MAX: variants seen among roughly 807,000 people sequenced by gnomAD.
MAX encodes the protein MYC associated transcriptional regulator X, also known as protein max.
In MAX, 3 loss-of-function variants were observed where a neutral mutation model predicts 22.3. The ratio of observed to expected loss-of-function variants is 0.13; its 90% CI spans 0.06 to 0.35. MAX has a LOEUF of 0.35. MAX is among the 10% of genes least tolerant of loss of function. The pLI is 1.00. For synonymous variants in MAX, 72 were observed against 77.7 expected (o/e 0.93, Z 0.39); for missense variants, 119 against 209.4 (o/e 0.57, Z 2.66).
intron 3 of MAX, among the ~76,000 whole-genome samples, chr14:65,040,426 AT>A (rs2062322740): frequency 6.6e-6 from 1 of 151,530 alleles, no homozygotes; most frequent in Admixed American, 6.6e-5. Context: ...GGTTTTTAAC[AT>A]TTTACAGTTT....
Position 65,078,089 on chromosome 14 carries a change from C to A in MAX, c.172-53G>T. 1 of 1,612,194 alleles carries A rather than the reference C, an allele frequency of 6.2e-7. No homozygotes were observed. The highest frequency in any genetic ancestry group is 1.3e-5 in the African/African-American group (1 of 74,982). Reference sequence around the variant, plus strand: ...GGACAAAATAAAAACCCAATCCAGGCAGTGAGGGAACCTGGCCTGCAGCAA... The same window carrying A: ...GGACAAAATAAAAACCCAATCCAGGAAGTGAGGGAACCTGGCCTGCAGCAA... On this transcript the variant is annotated intron_variant, in intron 3 of 4. Transcript: ENST00000358664. The surrounding 1 kb of genome is among the most constrained non-coding windows in gnomAD (Gnocchi z 6.4).
In MAX at chr14:65,029,266, A is replaced by G. The variant is rs76574671; in HGVS notation, c.172-22982T>C. Among the ~76,000 whole-genome samples, 963 of 152,298 alleles carry G rather than the reference A, an allele frequency of 6.3e-3. 17 individuals carry two copies. Among genetic ancestry groups the G allele is most frequent in the South Asian group, 0.044 (210 of 4,822 alleles). On this transcript the variant is annotated intron_variant, in intron 3 of 3. Coordinates refer to the MAX transcript ENST00000341653. The surrounding 1 kb of genome is among the most constrained non-coding windows in gnomAD (Gnocchi z 4.7). ...GCCTGGTTTCTAGTACCCCGATTCC[A>G]TCATTTTTCACTTGGCATTTCTTTC...
chr14:65,086,596 C>T (rs1031961236), intron 3 of MAX, among the ~76,000 whole-genome samples: 2 of 152,146 alleles, frequency 1.3e-5, no homozygotes, highest in African/African-American at 4.8e-5. Flanking sequence ...CTTTGAACTT[C>T]ACAGAGATGA....
rs1159703173 is a variant in MAX, at chr14:65,007,358, CTTGT to C, written c.172-1078_172-1075del. On this transcript the variant is annotated intron_variant, in intron 3 of 3. Coordinates refer to the MAX transcript ENST00000341653. The surrounding 1 kb of genome is among the most constrained non-coding windows in gnomAD (Gnocchi z 4.9). Reference sequence around the variant, plus strand: ...TTAGCAGTAAATCTAGATGGCAGGGCTTGTTTGTGTGTCTGAGGTCATGATGCTG... The same window carrying C: ...TTAGCAGTAAATCTAGATGGCAGGGCTTGTGTGTCTGAGGTCATGATGCTG... Among the ~76,000 whole-genome samples the C allele has an allele frequency of 1.3e-5, 2 of 152,172 alleles. No homozygotes were observed. Among genetic ancestry groups the C allele is most frequent in the Non-Finnish European group, 2.9e-5 (2 of 68,040 alleles).
At chr14:65,064,913 A>G (rs1481640502) in intron 3 of MAX, among the ~76,000 whole-genome samples, 1 of 152,262 alleles carries the variant, frequency 6.6e-6, no homozygotes, top group Non-Finnish European at 1.5e-5. Context: ...GGCAGCCAAA[A>G]GGTTTGCCAG....
chr14:65,025,450 T>C (rs1341349757), intron 3 of MAX, among the ~76,000 whole-genome samples: 1 of 152,234 alleles, frequency 6.6e-6, no homozygotes, highest in Non-Finnish European at 1.5e-5. Flanking sequence ...CTGGGAAATG[T>C]CATAAGAATT....
intron 3 of MAX, among the ~76,000 whole-genome samples, chr14:65,019,026 CAA>C (rs2061835125): frequency 6.6e-6 from 1 of 151,956 alleles, no homozygotes; most frequent in Non-Finnish European, 1.5e-5. Context: ...TTTTTTGAGA[CAA>C]GAGTCTCCTT....
chr14:65,077,259 G>T lies in MAX; in HGVS notation c.296-596C>A. 2.8e-6 allele frequency: 3 copies of T among 1,059,094 alleles called. No individual in the cohort carries two copies. The highest frequency in any genetic ancestry group is 1.6e-5 in the African/African-American group (1 of 63,582). 65.6% of individuals were successfully genotyped at this position (1,059,094 alleles called of 1,614,324 possible). On this transcript the variant is annotated intron_variant, in intron 4 of 4. Coordinates refer to ENST00000358664, the MANE Select transcript of MAX (RefSeq NM_002382.5). The surrounding 1 kb of genome is among the most constrained non-coding windows in gnomAD (Gnocchi z 6.3). The stretch of plus-strand genomic sequence containing the variant: ...CACCCACTGCCCATCCCTTGGTTCA[G>T]CTCAGCTTGAGCCTGGAAGGTCAAC...
intron 3 of MAX, among the ~76,000 whole-genome samples, chr14:65,017,834 C>T (rs2061808083): frequency 6.6e-6 from 1 of 151,746 alleles, no homozygotes; most frequent in Admixed American, 6.6e-5. Context: ...GCATGCCTGT[C>T]ATCCCAGCTA....
chr14:65,044,618 A>G lies in MAX; in HGVS notation c.172-38334T>C. 1 of 954,740 alleles carries G rather than the reference A, an allele frequency of 1.0e-6. No homozygotes were observed. The highest frequency in any genetic ancestry group is 1.5e-6 in the Non-Finnish European group (1 of 684,826). 59.1% of individuals were successfully genotyped at this position (954,740 alleles called of 1,614,324 possible). On this transcript the variant is annotated intron_variant, in intron 3 of 3. Transcript: ENST00000341653. This position sits in a 1 kb window ranked among gnomAD's most constrained non-coding sequence, Gnocchi z 5.5. ...GGCATGCGAATGCAGAGTAAGATTT[A>G]GTTTCATTGGTTTAGTGTCATTCTT...
intron 3 of MAX, among the ~76,000 whole-genome samples, chr14:65,087,110 T>C (rs1054107171): frequency 2.6e-5 from 4 of 152,196 alleles, no homozygotes; most frequent in Non-Finnish European, 5.9e-5. Flanking sequence ...AAGTCAAGAA[T>C]TGGGGTTTGG....
intron 3 of MAX, among the ~76,000 whole-genome samples, chr14:65,042,407 A>G (rs528546050): frequency 1.3e-5 from 2 of 152,290 alleles, no homozygotes; most frequent in African/African-American, 2.4e-5. Context: ...TTAGACTCTC[A>G]TGTAGAGCGT....
chr14:65,102,120 G>C (rs1252901867), intron 1 of MAX, among the ~76,000 whole-genome samples, 184 bp downstream of exon 1: 1 of 152,160 alleles, frequency 6.6e-6, no homozygotes, highest in Non-Finnish European at 1.5e-5. Context: ...AGTCCCAGGA[G>C]GCCGCTCCGG....
chr14:65,059,971 T>C (rs1409025663), intron 3 of MAX, among the ~76,000 whole-genome samples: 2 of 151,554 alleles, frequency 1.3e-5, no homozygotes, highest in South Asian at 2.1e-4. Context: ...CTAGCTGGGA[T>C]TACAGACACT....
rs755341817 is a variant in MAX at position 65,009,029 on chromosome 14, C to A, written c.172-2745G>T. On this transcript the variant is annotated intron_variant, in intron 3 of 3. Coordinates refer to the MAX transcript ENST00000341653. The surrounding 1 kb of genome is among the most constrained non-coding windows in gnomAD (Gnocchi z 4.2). The stretch of plus-strand genomic sequence containing the variant: ...AGTCCTGCACGAAACCTGTCTTATT[C>A]TGCTCCATGTAATTGAATGGTTTTG... Among the ~76,000 whole-genome samples, 5 of 152,190 alleles carry A rather than the reference C, an allele frequency of 3.3e-5. No homozygotes were observed. Among genetic ancestry groups the A allele is most frequent in the Non-Finnish European group, 7.4e-5 (5 of 68,026 alleles).
Position 65,055,180 on chromosome 14 carries a change from T to C in MAX, c.171+38528A>G, listed in dbSNP as rs959670609. Reference sequence around the variant, plus strand: ...TCTTTGTAGTACTTTACTCAGTTGGTGGTGTGTTGTTTAATGTGTGTTTGT... The same window carrying C: ...TCTTTGTAGTACTTTACTCAGTTGGCGGTGTGTTGTTTAATGTGTGTTTGT... On this transcript the variant is annotated intron_variant, in intron 3 of 3. Coordinates refer to the MAX transcript ENST00000341653. 5.5e-5 allele frequency among the ~76,000 whole-genome samples: 8 copies of C among 145,460 alleles called. No individual in the cohort carries two copies. The East Asian group carries it at 1.6e-3, about 29-fold the overall frequency.
intron 2 of MAX, among the ~76,000 whole-genome samples, chr14:65,101,047 C>T (rs1300176633): frequency 6.6e-6 from 1 of 152,148 alleles, no homozygotes; most frequent in Non-Finnish European, 1.5e-5. Flanking sequence ...TCTACATTTC[C>T]AATTTTTGCA....
rs1312282299 is a variant in MAX at position 65,009,252 on chromosome 14, GC to G, written c.172-2969del. The stretch of plus-strand genomic sequence containing the variant: ...GATTTATTTTTTCACATTTCTGGAG[GC>G]CAGAAGTCTAAGACCAAGGTGTCAG... On this transcript the variant is annotated intron_variant, in intron 3 of 3. Transcript: ENST00000341653. This position sits in a 1 kb window ranked among gnomAD's most constrained non-coding sequence, Gnocchi z 4.2. 6.6e-6 allele frequency among the ~76,000 whole-genome samples: 1 copy of G among 152,164 alleles called. No individual in the cohort carries two copies. Among genetic ancestry groups the G allele is most frequent in the Non-Finnish European group, 1.5e-5 (1 of 68,022 alleles).
In MAX at chr14:65,084,222, A is replaced by C. The variant is rs2063268256; in HGVS notation, c.172-6186T>G. The C allele has an allele frequency of 6.2e-7, 1 of 1,614,102 alleles. No homozygotes were observed. The highest frequency in any genetic ancestry group is 8.5e-7 in the Non-Finnish European group (1 of 1,180,052). ...TTTTCTTGTGCACTTGGTAGCTTGA[A>C]ATGAAGGTGTGGCATTTCTGCATCA... On this transcript the variant is annotated intron_variant, in intron 3 of 4. Coordinates refer to ENST00000358664, the MANE Select transcript of MAX (RefSeq NM_002382.5). The surrounding 1 kb of genome is among the most constrained non-coding windows in gnomAD (Gnocchi z 4.3).
Sources: allele counts gnomAD v4.1 joint callset (sites outside exome capture counted in the v4.1 genomes callset), GRCh38; gene constraint gnomAD v4.1.1; non-coding constraint Gnocchi (gnomAD v3.1); transcripts MANE v1.5; gene names NCBI Gene and HGNC (gene_info 2026-07-23, HGNC 2026-07-21).